Variants in SPOCK1 observed in about 807,000 individuals in gnomAD.
SPOCK1 encodes SPARC (osteonectin), cwcv and kazal like domains proteoglycan 1, also known as testican-1.
Under a neutral mutation model 55.3 loss-of-function variants are expected in SPOCK1, and 23 were observed. The ratio of observed to expected loss-of-function variants is 0.42; its 90% CI spans 0.30 to 0.59. The LOEUF (loss-of-function observed/expected upper bound fraction) is 0.59. Among genes scored for constraint, SPOCK1 ranks in the 20% least tolerant of loss-of-function variants. The pLI is 0.22. For missense variants in SPOCK1, 499 were observed against 552.5 expected (o/e 0.90, Z 0.97); for synonymous variants, 226 against 221.0 (o/e 1.02, Z -0.20).
At chr5:137,318,515 T>C (rs546014037) in intron 2 of SPOCK1, among the ~76,000 whole-genome samples, 36 of 152,246 alleles carry the variant, frequency 2.4e-4, no homozygotes, top group Admixed American at 3.9e-4. Context: ...CTCAGTACCT[T>C]GAGAAGAGGT....
intron 2 of SPOCK1, among the ~76,000 whole-genome samples, chr5:137,476,032 AG>A (rs1753830750): frequency 2.3e-5 from 2 of 88,456 alleles, no homozygotes; most frequent in Admixed American, 1.2e-4. Flanking sequence ...GGCAAATTAT[AG>A]GTTTTTTTTT....
chr5:137,200,295 C>G (rs1755401180), intron 3 of SPOCK1, among the ~76,000 whole-genome samples: 1 of 152,216 alleles, frequency 6.6e-6, no homozygotes. Context: ...TCATTCTAGT[C>G]TTTGCTCATT....
chr5:137,221,702 A>G (rs890145453), intron 3 of SPOCK1, among the ~76,000 whole-genome samples: 7 of 152,194 alleles, frequency 4.6e-5, no homozygotes, highest in Non-Finnish European at 8.8e-5. Flanking sequence ...AACTAAGTTC[A>G]TTTTCTTGGC....
chr5:137,396,889 C>A (rs985130645), intron 2 of SPOCK1, among the ~76,000 whole-genome samples: 3 of 152,080 alleles, frequency 2.0e-5, no homozygotes, highest in Non-Finnish European at 4.4e-5. Flanking sequence ...GCCATCTATC[C>A]CCCTTAAAAA....
intron 2 of SPOCK1, among the ~76,000 whole-genome samples, chr5:137,344,775 A>G (rs1750519394): frequency 6.6e-6 from 1 of 152,256 alleles, no homozygotes; most frequent in African/African-American, 2.4e-5. Context: ...TCTGGATTCT[A>G]CCGACAGAGA....
rs150357576 is a variant in SPOCK1, at chr5:137,269,796, C to T, written c.187-2741G>A. 5.4e-3 allele frequency among the ~76,000 whole-genome samples: 824 copies of T among 152,230 alleles called. 1 individual carries two copies. The highest frequency in any genetic ancestry group is 0.019 in the African/African-American group (802 of 41,526). On this transcript the variant is annotated intron_variant, in intron 2 of 10. Transcript: ENST00000394945. ...TTGTTCATCCCTGAGACCCACTTAA[C>T]GATTGGGGTGCTCAAAGGACATAAG...
chr5:137,193,754 C>A (rs1755236798), intron 3 of SPOCK1, among the ~76,000 whole-genome samples: 1 of 152,146 alleles, frequency 6.6e-6, no homozygotes. Context: ...TGAATGGTGT[C>A]CATGAATACT....
At chr5:137,224,444 A>T (rs190288459) in intron 3 of SPOCK1, among the ~76,000 whole-genome samples, 2 of 152,324 alleles carry the variant, frequency 1.3e-5, no homozygotes, top group Admixed American at 1.3e-4. Context: ...CATAAGGAGA[A>T]AACAGCCAAA....
At chr5:137,480,218 G>T (rs767502708) in intron 2 of SPOCK1, among the ~76,000 whole-genome samples, 2 of 151,794 alleles carry the variant, frequency 1.3e-5, no homozygotes, top group South Asian at 4.2e-4. Flanking sequence ...CCTTCAATAC[G>T]CTGGCTGCCC....
intron 2 of SPOCK1, among the ~76,000 whole-genome samples, chr5:137,496,096 A>AT (rs1754294231): frequency 6.6e-6 from 1 of 152,226 alleles, no homozygotes; most frequent in Non-Finnish European, 1.5e-5. Context: ...TGTCTTGGAC[A>AT]TTTTTATACT....
intron 5 of SPOCK1, among the ~76,000 whole-genome samples, chr5:137,091,457 G>C (rs1319969700): frequency 6.6e-6 from 1 of 152,238 alleles, no homozygotes; most frequent in Non-Finnish European, 1.5e-5. Context: ...TGTATTTGGA[G>C]AAGGCCTGTG....
chr5:137,272,341 A>T (rs1756979924), intron 2 of SPOCK1, among the ~76,000 whole-genome samples: 1 of 152,222 alleles, frequency 6.6e-6, no homozygotes, highest in Non-Finnish European at 1.5e-5. Flanking sequence ...TCACCAGAAA[A>T]GTGAGATTTC....
At chr5:137,442,611 G>A (rs557054354) in intron 2 of SPOCK1, among the ~76,000 whole-genome samples, 5 of 152,240 alleles carry the variant, frequency 3.3e-5, no homozygotes, top group Admixed American at 2.0e-4. Flanking sequence ...CACACTAACC[G>A]AGGATCCCAC....
chr5:137,228,104 T>C (rs141047471), intron 3 of SPOCK1, among the ~76,000 whole-genome samples: 3 of 152,250 alleles, frequency 2.0e-5, no homozygotes, highest in Non-Finnish European at 1.5e-5. Flanking sequence ...CCAATGCCAG[T>C]TGATCTGAGC....
At chr5:137,407,220 T>A (rs1752118189) in intron 2 of SPOCK1, among the ~76,000 whole-genome samples, 1 of 152,220 alleles carries the variant, frequency 6.6e-6, no homozygotes, top group African/African-American at 2.4e-5. Context: ...TTTAAACCAC[T>A]GCTGTCCGAG....
intron 3 of SPOCK1, among the ~76,000 whole-genome samples, chr5:137,258,889 C>T (rs879644740): frequency 1.3e-5 from 2 of 152,180 alleles, no homozygotes; most frequent in Admixed American, 1.3e-4. Context: ...ATGGCTTTTG[C>T]TCCTTGGTTC....
intron 6 of SPOCK1, among the ~76,000 whole-genome samples, chr5:137,024,323 G>GGT (rs1751631533): frequency 1.4e-5 from 2 of 143,286 alleles, no homozygotes; most frequent in Non-Finnish European, 3.0e-5. Flanking sequence ...AAGGGGGGGG[G>GGT]GTAGTTACAA....
chr5:137,269,773 G>T (rs1309336952), intron 2 of SPOCK1, among the ~76,000 whole-genome samples: 2 of 152,048 alleles, frequency 1.3e-5, no homozygotes, highest in Non-Finnish European at 2.9e-5. Context: ...CTGAAAATTT[G>T]TTCATCCCTG....
At chr5:137,138,451 C>T (rs1406705395) in intron 4 of SPOCK1, among the ~76,000 whole-genome samples, 1 of 151,564 alleles carries the variant, frequency 6.6e-6, no homozygotes, top group Non-Finnish European at 1.5e-5. Context: ...GGGCTATATC[C>T]TGCATTGTAG....
Sources: allele counts gnomAD v4.1 joint callset (sites outside exome capture counted in the v4.1 genomes callset), GRCh38; gene constraint gnomAD v4.1.1; transcripts MANE v1.5; gene names NCBI Gene and HGNC (gene_info 2026-07-23, HGNC 2026-07-21).